The following DOCK11 variants were observed in gnomAD, a reference collection of about 807,000 sequenced individuals.
The protein encoded by DOCK11 is dedicator of cytokinesis protein 11.
DOCK11 carries 70 observed loss-of-function variants against 169.1 expected under a neutral mutation model. The observed-to-expected ratio is 0.41, with a 90% CI of 0.34 to 0.51. The LOEUF (loss-of-function observed/expected upper bound fraction) is 0.51, where lower values mean the gene tolerates loss of function less well. DOCK11 is among the 20% of genes least tolerant of loss of function. The pLI is 0.10. For missense variants in DOCK11, 1,166 were observed against 1,538.8 expected, an observed-to-expected ratio of 0.76 and a Z score of 4.05; for synonymous variants, 529 against 541.3, an observed-to-expected ratio of 0.98 and a Z score of 0.32.
chrX:118,610,150 G>A, intron 27 of DOCK11, 122 bp from the exon 28 acceptor site: 2 of 687,099 alleles, frequency 2.9e-6, no homozygotes, highest in East Asian at 3.4e-5. Flanking sequence ...TTTTAAGTTG[G>A]GAGAACAATT....
intron 48 of DOCK11, 142 bp downstream of exon 48, chrX:118,676,879 G>A: frequency 2.0e-6 from 1 of 510,028 alleles, no homozygotes; most frequent in Non-Finnish European, 2.9e-6. Context: ...AGGGGCTTTG[G>A]AGTCAGAGAT....
At chrX:118,571,400 G>A (rs1275309924) in intron 10 of DOCK11, among the ~76,000 whole-genome samples, 1 of 108,729 alleles carries the variant, frequency 9.2e-6, no homozygotes, top group Admixed American at 9.9e-5. Context: ...ACCCAGGTCG[G>A]AGTGCAGTGG....
At chrX:118,568,914 C>G (rs987957937) in intron 10 of DOCK11, among the ~76,000 whole-genome samples, 2 of 110,323 alleles carry the variant, frequency 1.8e-5, no homozygotes, top group African/African-American at 6.6e-5. Context: ...CTTTCTTTTC[C>G]CTTTTTCTAC....
intron 18 of DOCK11, 74 bp downstream of exon 18, chrX:118,588,552 T>C: frequency 2.5e-6 from 2 of 812,099 alleles, no homozygotes; most frequent in Admixed American, 7.0e-5. Context: ...TCTTATGCTC[T>C]AGGTTTAATT....
chrX:118,639,477 A>G lies in DOCK11; in HGVS notation c.4044A>G (p.Arg1348=), dbSNP rs1289352516. 1 of 1,211,503 alleles carries G rather than the reference A, an allele frequency of 8.3e-7. No individual in the cohort carries two copies. Among genetic ancestry groups the G allele is most frequent in the African/African-American group, 1.7e-5 (1 of 57,852 alleles). The change falls in exon 38 of 53, where the codon CGA becomes CGG. Residue 1348 remains arginine (R), a synonymous_variant. Coordinates refer to ENST00000276202, the MANE Select transcript of DOCK11 (RefSeq NM_144658.4). ...AWLSKHFGID[R]KSQTMPALRN... ...TGTCAAAACACTTCGGAATAGACCG[A>G]AAATCGCAAACCATGCCTGCTCTTC...
At chrX:118,561,282 C>T in intron 6 of DOCK11, 101 bp from the exon 7 acceptor site, 2 of 813,593 alleles carry the variant, frequency 2.5e-6, no homozygotes, top group Non-Finnish European at 3.3e-6. Flanking sequence ...ATTGTCCAGG[C>T]ACAATTGCCT....
intron 50 of DOCK11, 117 bp downstream of exon 50, chrX:118,681,365 C>T: frequency 1.4e-6 from 1 of 706,043 alleles, no homozygotes; most frequent in Non-Finnish European, 2.0e-6. Context: ...GTGCAAAAAC[C>T]TGTGCATTAT....
chrX:118,608,120 T>C lies in DOCK11; in HGVS notation c.2730T>C (p.Ser910=). The change falls in exon 25 of 53, where the codon AGT becomes AGC. Residue 910 remains serine (S), a synonymous_variant. Coordinates refer to ENST00000276202, the MANE Select transcript of DOCK11 (RefSeq NM_144658.4). ...VSKCHEEGLD[S]YLRSFIKYSF... is the part of the protein sequence containing the mutation. ...AGTGCCATGAAGAAGGCTTGGATAG[T>C]TATCTAAGATCATTCATAAAGGTTT... 8.3e-7 allele frequency: 1 copy of C among 1,203,498 alleles called. No individual in the cohort carries two copies. Among genetic ancestry groups the C allele is most frequent in the African/African-American group, 1.7e-5 (1 of 57,444 alleles).
chrX:118,611,284 T>G (rs889198688), intron 28 of DOCK11, among the ~76,000 whole-genome samples: 1 of 112,337 alleles, frequency 8.9e-6, no homozygotes, highest in African/African-American at 3.2e-5. Context: ...ACAACAAATT[T>G]GTCCCCATCC....
chrX:118,517,935 AT>A (rs780315053), intron 1 of DOCK11, among the ~76,000 whole-genome samples: 9 of 111,603 alleles, frequency 8.1e-5, no homozygotes, highest in Non-Finnish European at 1.5e-4. Flanking sequence ...CCTACTCTGA[AT>A]TTTCTGAACT....
At chrX:118,659,726 C>G (rs1055886970) in intron 44 of DOCK11, among the ~76,000 whole-genome samples, 2 of 111,659 alleles carry the variant, frequency 1.8e-5, no homozygotes, top group Admixed American at 1.9e-4. Flanking sequence ...AACCCAGACA[C>G]GACTTTCAAA....
chrX:118,602,189 G>GCCT (rs964658224), intron 23 of DOCK11, among the ~76,000 whole-genome samples: 21 of 106,411 alleles, frequency 2.0e-4, no homozygotes, highest in Non-Finnish European at 3.9e-4. Context: ...TAGCAGAACT[G>GCCT]GGGTGAGACT....
At chrX:118,507,356 C>G (rs1482356456) in intron 1 of DOCK11, among the ~76,000 whole-genome samples, 1 of 97,198 alleles carries the variant, frequency 1.0e-5, no homozygotes, top group Non-Finnish European at 2.1e-5. Context: ...CTGGGGAATT[C>G]ATTTGTATAA....
intron 28 of DOCK11, among the ~76,000 whole-genome samples, chrX:118,611,563 T>C (rs748990107): frequency 8.9e-5 from 10 of 112,258 alleles, no homozygotes; most frequent in Non-Finnish European, 1.9e-4. Flanking sequence ...GTAACCACAG[T>C]GTACATGTTG....
chrX:118,497,982 A>G (rs1488756421), intron 1 of DOCK11, among the ~76,000 whole-genome samples: 2 of 112,528 alleles, frequency 1.8e-5, no homozygotes, highest in Admixed American at 1.9e-4. Context: ...CATTGATTCT[A>G]TGGCGAAGGA....
chrX:118,523,818 C>T (rs754984291), intron 1 of DOCK11, among the ~76,000 whole-genome samples: 7 of 111,137 alleles, frequency 6.3e-5, no homozygotes, highest in African/African-American at 9.8e-5. Context: ...GTTCGAAGGC[C>T]CATTTTGCAG....
At chrX:118,610,972 G>A (rs970926430) in intron 28 of DOCK11, among the ~76,000 whole-genome samples, 2 of 111,423 alleles carry the variant, frequency 1.8e-5, no homozygotes, top group Non-Finnish European at 1.9e-5. Flanking sequence ...CTGGGAGGTG[G>A]AGGTTTCAGT....
chrX:118,538,940 A>T (rs1425732997), intron 1 of DOCK11, among the ~76,000 whole-genome samples: 1 of 111,952 alleles, frequency 8.9e-6, no homozygotes, highest in Non-Finnish European at 1.9e-5. Flanking sequence ...TATAGGTCAA[A>T]AGGTTTTCTT....
At chrX:118,584,921 A>G in intron 15 of DOCK11, 64 bp downstream of exon 15, 1 of 1,156,241 alleles carries the variant, frequency 8.6e-7, no homozygotes, top group Admixed American at 2.4e-5. Context: ...TTTTAAAATG[A>G]TGAATGTGAG....
Sources: gnomAD v4.1 joint callset for allele counts (sites outside exome capture counted in the v4.1 genomes callset) on GRCh38, gnomAD v4.1.1 for gene constraint, MANE v1.5 for transcripts, NCBI Gene and HGNC (gene_info 2026-07-23, HGNC 2026-07-21) for gene names.